Variants in CDKN3 observed in about 807,000 individuals in gnomAD.
The protein encoded by CDKN3 is cyclin dependent kinase inhibitor 3.
A neutral mutation model predicts 36.1 loss-of-function variants in CDKN3; 19 were observed. The observed-to-expected ratio is 0.53, with a 90% CI of 0.37 to 0.77. The LOEUF (loss-of-function observed/expected upper bound fraction) is 0.77, where lower values mean the gene tolerates loss of function less well. Ranked by LOEUF, CDKN3 falls within the 30% of genes least tolerant of loss-of-function variation. The probability of loss-of-function intolerance (pLI) is 0.00; values close to 1 mark genes in which losing one functional copy is unlikely to be tolerated. For missense variants in CDKN3, 188 were observed against 248.6 expected (o/e 0.76, Z 1.64); for synonymous variants, 71 against 85.3 (o/e 0.83, Z 0.92).
intron 3 of CDKN3, among the ~76,000 whole-genome samples, chr14:54,408,215 T>C (rs2030229005): frequency 6.6e-6 from 1 of 152,244 alleles, no homozygotes; most frequent in South Asian, 2.1e-4. Context: ...GTTGTACTAG[T>C]TTACATTTCC....
chr14:54,402,301 T>TGTGTGC (rs1555361552), intron 3 of CDKN3, among the ~76,000 whole-genome samples: 4 of 89,644 alleles, frequency 4.5e-5, no homozygotes, highest in Admixed American at 2.3e-4. Context: ...TTCCATGGCA[T>TGTGTGC]GTGTGTGCGT....
At chr14:54,405,086 T>G (rs2030111034) in intron 3 of CDKN3, among the ~76,000 whole-genome samples, 1 of 152,188 alleles carries the variant, frequency 6.6e-6, no homozygotes, top group African/African-American at 2.4e-5. Context: ...AACTTCTTTT[T>G]TTCTGCCTTA....
chr14:54,417,097 G>C (rs2030577881), intron 6 of CDKN3, among the ~76,000 whole-genome samples: 1 of 152,192 alleles, frequency 6.6e-6, no homozygotes. Flanking sequence ...AAATGGTGCA[G>C]CGGCTTTGGA....
At chr14:54,407,560 G>A (rs1329244381) in intron 3 of CDKN3, among the ~76,000 whole-genome samples, 1 of 152,336 alleles carries the variant, frequency 6.6e-6, no homozygotes, top group South Asian at 2.1e-4. Flanking sequence ...GAGGAATCTA[G>A]AGAGGCAGTC....
At chr14:54,397,160 C>A in intron 1 of CDKN3, 83 bp downstream of exon 1, 1 of 1,343,774 alleles carries the variant, frequency 7.4e-7, no homozygotes, top group Non-Finnish European at 9.7e-7. Flanking sequence ...GGCCGGAGGG[C>A]AGCCCTAGCC....
At chr14:54,419,317 G>GTT (rs957110208) in intron 7 of CDKN3, among the ~76,000 whole-genome samples, 3 of 152,162 alleles carry the variant, frequency 2.0e-5, no homozygotes, top group Admixed American at 2.0e-4. Context: ...TACAGACTCA[G>GTT]TTTATCACCT....
At chr14:54,406,646 T>C (rs1188123688) in intron 3 of CDKN3, among the ~76,000 whole-genome samples, 1 of 151,914 alleles carries the variant, frequency 6.6e-6, no homozygotes, top group Admixed American at 6.6e-5. Flanking sequence ...TTGATACTTG[T>C]GTATGCATCA....
chr14:54,416,830 A>G (rs568347074), intron 6 of CDKN3, among the ~76,000 whole-genome samples: 6 of 152,330 alleles, frequency 3.9e-5, no homozygotes, highest in African/African-American at 1.2e-4. Flanking sequence ...AGAAAAAATA[A>G]TAATAATAAA....
intron 5 of CDKN3, chr14:54,413,717 G>A: frequency 6.5e-7 from 1 of 1,532,612 alleles, no homozygotes; most frequent in Non-Finnish European, 8.7e-7. Flanking sequence ...ACAGGATCTG[G>A]TAAACCTTTT....
chr14:54,410,590 T>G (rs553017013), intron 4 of CDKN3, among the ~76,000 whole-genome samples: 2 of 152,160 alleles, frequency 1.3e-5, no homozygotes, highest in Non-Finnish European at 2.9e-5. Flanking sequence ...AATGTTTTAT[T>G]TACTGGCGAC....
rs1399013612 is a variant in CDKN3, at chr14:54,408,794, G to A, written c.193+5G>A. On this transcript the variant is annotated splice_donor_5th_base_variant and intron_variant, in intron 4 of 7. Transcript: ENST00000335183. ...GAAATGTCCAAAAAGATACAGGTAG[G>A]TATAATATCACGCAACCACACTCAT... 2.5e-6 allele frequency: 4 copies of A among 1,572,658 alleles called. No individual in the cohort carries two copies. The highest frequency in any genetic ancestry group is 2.3e-5 in the East Asian group (1 of 43,350).
In CDKN3 at chr14:54,411,542, G is replaced by A. The variant is rs1439037581; in HGVS notation, c.252G>A (p.Leu84=). ...TTGTTTTCTGCACCAGAGGGGAACT[G>A]TCAAAATATAGAGTCCCAAACCTTC... ...DIFVFCTRGE[L]SKYRVPNLLD... The change falls in exon 5 of 8, where the codon CTG becomes CTA. Residue 84 remains leucine (L), a synonymous_variant. Coordinates refer to ENST00000335183, the MANE Select transcript of CDKN3 (RefSeq NM_005192.4). The A allele has an allele frequency of 1.2e-5, 19 of 1,614,110 alleles. No homozygotes were observed. Among genetic ancestry groups the A allele is most frequent in the Non-Finnish European group, 1.6e-5 (19 of 1,180,036 alleles).
intron 3 of CDKN3, among the ~76,000 whole-genome samples, chr14:54,402,309 CGT>C (rs35529322): frequency 0.053 from 7,794 of 147,696 alleles, 663 homozygotes; most frequent in African/African-American, 0.18. Context: ...CATGTGTGTG[CGT>C]GTGTGTGTGT....
At chr14:54,397,912 C>T (rs978141235) in intron 1 of CDKN3, among the ~76,000 whole-genome samples, 1 of 152,234 alleles carries the variant, frequency 6.6e-6, no homozygotes, top group Non-Finnish European at 1.5e-5. Context: ...GGGCGGATCA[C>T]TTGAGGCCAG....
chr14:54,402,330 G>GTGTGTGTA (rs1329186335), intron 3 of CDKN3, among the ~76,000 whole-genome samples: 1 of 151,710 alleles, frequency 6.6e-6, no homozygotes, highest in East Asian at 1.9e-4. Context: ...GTGTGTGTGT[G>GTGTGTGTA]TGTGTATGTA....
At chr14:54,401,952 G>A (rs974921323) in intron 3 of CDKN3, among the ~76,000 whole-genome samples, 75 of 152,232 alleles carry the variant, frequency 4.9e-4, no homozygotes, top group African/African-American at 1.6e-3. Flanking sequence ...ACTCACACCC[G>A]TAATCCCAGC....
At chr14:54,402,318 G>A (rs1470798515) in intron 3 of CDKN3, among the ~76,000 whole-genome samples, 1 of 150,782 alleles carries the variant, frequency 6.6e-6, no homozygotes, top group African/African-American at 2.4e-5. Context: ...GCGTGTGTGT[G>A]TGTGTGTGTG....
intron 5 of CDKN3, chr14:54,413,655 C>A (rs1194644334): frequency 6.5e-7 from 1 of 1,535,374 alleles, no homozygotes; most frequent in Admixed American, 2.0e-5. Flanking sequence ...ATCCATTCTG[C>A]CATCTTTGAG....
intron 5 of CDKN3, among the ~76,000 whole-genome samples, chr14:54,412,589 G>T (rs1298816597): frequency 1.3e-5 from 2 of 152,150 alleles, no homozygotes; most frequent in Admixed American, 6.5e-5. Context: ...AAGAAGATGG[G>T]TTAAGGAAAG....
Sources: gnomAD v4.1 joint callset for allele counts (sites outside exome capture counted in the v4.1 genomes callset) on GRCh38, gnomAD v4.1.1 for gene constraint, MANE v1.5 for transcripts, NCBI Gene and HGNC (gene_info 2026-07-23, HGNC 2026-07-21) for gene names.